RNF157: variants seen among roughly 807,000 people sequenced by gnomAD.
RNF157 encodes the protein ring finger protein 157.
RNF157 carries 55 observed loss-of-function variants against 88.3 expected under a neutral mutation model. The ratio of observed to expected loss-of-function variants is 0.62; its 90% confidence interval spans 0.50 to 0.78. RNF157 has a LOEUF of 0.78. Among genes scored for constraint, RNF157 ranks in the 30% least tolerant of loss-of-function variants. The probability of loss-of-function intolerance (pLI) is 0.00; values close to 1 mark genes in which losing one functional copy is unlikely to be tolerated. For synonymous variants in RNF157, 334 were observed against 341.2 expected (o/e 0.98, Z 0.23); for missense variants, 788 against 860.8 (o/e 0.92, Z 1.06).
intron 2 of RNF157, among the ~76,000 whole-genome samples, chr17:76,208,989 T>A (rs1458828031): frequency 3.3e-5 from 5 of 149,326 alleles, no homozygotes; most frequent in Admixed American, 2.7e-4. Context: ...AAAAAAAAAA[T>A]TCATTTGCTA....
At chr17:76,220,885 G>C (rs1568073006) in intron 1 of RNF157, among the ~76,000 whole-genome samples, 1 of 151,908 alleles carries the variant, frequency 6.6e-6, no homozygotes, top group Admixed American at 6.6e-5. Context: ...TTGAACCGGG[G>C]AGGCAGAGGT....
intron 2 of RNF157, among the ~76,000 whole-genome samples, chr17:76,186,188 T>C (rs2069283238): frequency 6.6e-6 from 1 of 151,362 alleles, no homozygotes; most frequent in South Asian, 2.1e-4. Context: ...TCCTTTCATG[T>C]CCCATTAAAA....
In RNF157 at chr17:76,236,919, T is replaced by TA. The variant is rs2070292360; in HGVS notation, c.88+3233dup. The stretch of plus-strand genomic sequence containing the variant: ...ATGCTTGCATTTACACAAGAAACTC[T>TA]AAAAGAATTCCAAAGAAACCAAAAG... On this transcript the variant is annotated intron_variant, in intron 1 of 18. Transcript: ENST00000269391. 2.6e-5 allele frequency among the ~76,000 whole-genome samples: 4 copies of TA among 152,308 alleles called. No individual in the cohort carries two copies. The South Asian group carries it at 8.3e-4, about 32-fold the overall frequency.
rs1318161825 is a variant in RNF157, at chr17:76,166,455, C to T, written c.628+6G>A. 4 of 1,613,150 alleles carry T rather than the reference C, an allele frequency of 2.5e-6. No homozygotes were observed. Among genetic ancestry groups the T allele is most frequent in the African/African-American group, 2.7e-5 (2 of 74,880 alleles). On this transcript the variant is annotated splice_donor_region_variant and intron_variant, in intron 6 of 18. Coordinates refer to ENST00000269391, the MANE Select transcript of RNF157 (RefSeq NM_052916.3). ...CACAGCCAAAGAGGACAGAAATCGC[C>T]CCTACCGTCTCCTTCATCCACCACG...
At chr17:76,155,417 A>G in intron 15 of RNF157, 100 bp from the exon 16 acceptor site, 1 of 1,454,384 alleles carries the variant, frequency 6.9e-7, no homozygotes, top group Non-Finnish European at 9.6e-7. Context: ...TAGGAGGGTC[A>G]GACCTAAGGG....
At chr17:76,183,970 G>C (rs373648758) in intron 2 of RNF157, among the ~76,000 whole-genome samples, 1 of 151,992 alleles carries the variant, frequency 6.6e-6, no homozygotes, top group Non-Finnish European at 1.5e-5. Flanking sequence ...TGGGCGGGTT[G>C]GTTGAGGCCA....
At chr17:76,194,884 G>A (rs977288188) in intron 2 of RNF157, among the ~76,000 whole-genome samples, 7 of 152,016 alleles carry the variant, frequency 4.6e-5, no homozygotes, top group African/African-American at 7.2e-5. Flanking sequence ...GCGTGGTGGC[G>A]GGCGCCTGTA....
intron 2 of RNF157, among the ~76,000 whole-genome samples, chr17:76,196,319 C>T (rs2069476977): frequency 6.6e-6 from 1 of 152,168 alleles, no homozygotes; most frequent in African/African-American, 2.4e-5. Flanking sequence ...AAAGTTCAAA[C>T]CAGGACAGAA....
intron 2 of RNF157, among the ~76,000 whole-genome samples, chr17:76,187,880 G>A (rs1029178818): frequency 6.6e-6 from 1 of 152,130 alleles, no homozygotes; most frequent in Non-Finnish European, 1.5e-5. Flanking sequence ...TTACAAGTGT[G>A]AGCCACCACG....
intron 2 of RNF157, among the ~76,000 whole-genome samples, chr17:76,197,663 G>A (rs1051200767): frequency 6.6e-6 from 1 of 152,160 alleles, no homozygotes; most frequent in African/African-American, 2.4e-5. Flanking sequence ...TCAAACTTCT[G>A]TCTCAAGCCA....
intron 2 of RNF157, among the ~76,000 whole-genome samples, chr17:76,208,737 C>T (rs1471085676): frequency 3.3e-5 from 5 of 152,012 alleles, no homozygotes; most frequent in African/African-American, 9.7e-5. Flanking sequence ...TTTGGGAGGC[C>T]GAGATGGGCA....
At chr17:76,194,587 C>T (rs535950268) in intron 2 of RNF157, among the ~76,000 whole-genome samples, 8 of 152,160 alleles carry the variant, frequency 5.3e-5, no homozygotes, top group Non-Finnish European at 1.0e-4. Flanking sequence ...TGGCCTATGT[C>T]CTCTTCCATG....
chr17:76,198,781 C>G (rs995678817), intron 2 of RNF157, among the ~76,000 whole-genome samples: 4 of 152,354 alleles, frequency 2.6e-5, no homozygotes, highest in Admixed American at 1.3e-4. Flanking sequence ...ACCTACAGGA[C>G]AAAAATTCGA....
At chr17:76,210,000 C>T (rs996820649) in intron 2 of RNF157, among the ~76,000 whole-genome samples, 4 of 151,972 alleles carry the variant, frequency 2.6e-5, no homozygotes, top group African/African-American at 7.2e-5. Flanking sequence ...CCTTGTGATC[C>T]GCCCGCCTCG....
At position 76,176,150 on chromosome 17, in the gene RNF157, G is replaced by A. The variant is rs762303367; in HGVS notation, c.208-2360C>T. On this transcript the variant is annotated intron_variant, in intron 2 of 18. Coordinates refer to ENST00000269391, the MANE Select transcript of RNF157 (RefSeq NM_052916.3). This position sits in a 1 kb window ranked among gnomAD's most constrained non-coding sequence, Gnocchi z 4.2. Reference sequence around the variant, plus strand: ...TCCATGCCAGGAGTAAGGAGAGATTGAAAACCAAGAAGATAAGGCCCTGCT... The same window carrying A: ...TCCATGCCAGGAGTAAGGAGAGATTAAAAACCAAGAAGATAAGGCCCTGCT... Among the ~76,000 whole-genome samples the A allele has an allele frequency of 1.3e-5, 2 of 152,222 alleles. No homozygotes were observed. Among genetic ancestry groups the A allele is most frequent in the Non-Finnish European group, 2.9e-5 (2 of 68,048 alleles).
chr17:76,166,378 T>C (rs1002831551), intron 6 of RNF157, 83 bp downstream of exon 6: 13 of 1,138,952 alleles, frequency 1.1e-5, no homozygotes, highest in African/African-American at 1.5e-5. Flanking sequence ...AGAAGGCATG[T>C]TGTTCTGGGG....
At chr17:76,213,786 T>A (rs1284696358) in intron 1 of RNF157, among the ~76,000 whole-genome samples, 5 of 152,078 alleles carry the variant, frequency 3.3e-5, no homozygotes, top group African/African-American at 1.2e-4. Flanking sequence ...AAGTTGATCA[T>A]CAATGTCCAA....
intron 1 of RNF157, among the ~76,000 whole-genome samples, chr17:76,218,090 A>G (rs2069920462): frequency 6.6e-6 from 1 of 152,200 alleles, no homozygotes; most frequent in African/African-American, 2.4e-5. Context: ...TTGCCACAAT[A>G]ATAAACACAT....
chr17:76,165,128 C>T (rs1003655679), intron 7 of RNF157, among the ~76,000 whole-genome samples: 2 of 152,088 alleles, frequency 1.3e-5, no homozygotes, highest in Non-Finnish European at 2.9e-5. Flanking sequence ...GGGTTCTGTA[C>T]GATCTGCAGT....
Sources: allele counts gnomAD v4.1 joint callset (sites outside exome capture counted in the v4.1 genomes callset), GRCh38; gene constraint gnomAD v4.1.1; non-coding constraint Gnocchi (gnomAD v3.1); transcripts MANE v1.5; gene names NCBI Gene and HGNC (gene_info 2026-07-23, HGNC 2026-07-21).